Variants in MAP1A observed in about 807,000 individuals in gnomAD.
MAP1A encodes microtubule associated protein 1A, also known as microtubule-associated protein 1A.
Under a neutral mutation model 185.9 loss-of-function variants are expected in MAP1A, and 42 were observed. The ratio of observed to expected loss-of-function variants is 0.23; its 90% CI spans 0.18 to 0.29. The LOEUF (loss-of-function observed/expected upper bound fraction) is 0.29, where lower values mean the gene tolerates loss of function less well. MAP1A is among the 10% of genes least tolerant of loss of function. The pLI is 1.00. For synonymous variants in MAP1A, 1,229 were observed against 1,335.9 expected (o/e 0.92, Z 1.74); for missense variants, 2,995 against 3,450.4 (o/e 0.87, Z 3.31).
At position 43,522,268 on chromosome 15, in the gene MAP1A, G is replaced by C. The variant is rs2079322160; in HGVS notation, c.795G>C (p.Val265=). Residue 265 remains valine (V), a synonymous_variant, in exon 4 of 6, where the codon GTG becomes GTC. Transcript: ENST00000300231. The surrounding 1 kb of genome is among the most constrained non-coding windows in gnomAD (Gnocchi z 5.9). Reference sequence around the variant, plus strand: ...ATCCCACTGAGAAGATTGTGCGTGTGCTTTTTCCAGGAAATGCTCCCCAAA... The same window carrying C: ...ATCCCACTGAGAAGATTGTGCGTGTCCTTTTTCCAGGAAATGCTCCCCAAA... ...PANPTEKIVR[V]LFPGNAPQNK... 3 of 1,614,002 alleles carry C rather than the reference G, an allele frequency of 1.9e-6. No homozygotes were observed. Among genetic ancestry groups the C allele is most frequent in the South Asian group, 2.2e-5 (2 of 91,064 alleles).
At position 43,525,658 on chromosome 15, in the gene MAP1A, T is replaced by C; in HGVS notation, c.4185T>C (p.His1395=). 4 of 1,613,994 alleles carry C rather than the reference T, an allele frequency of 2.5e-6. No homozygotes were observed. Among genetic ancestry groups the C allele is most frequent in the Non-Finnish European group, 2.5e-6 (3 of 1,180,008 alleles). ...TCTATCAGAAAGATGAGGCTCTGCA[T>C]GTAAAGAATGAGGCTGTGAAACAGC... is the stretch of plus-strand genomic sequence containing the variant. ...TAIYQKDEAL[H]VKNEAVKQQD... The change falls in exon 4 of 6, where the codon CAT becomes CAC. Residue 1395 remains histidine, a synonymous_variant. Coordinates refer to ENST00000300231, the MANE Select transcript of MAP1A (RefSeq NM_002373.6).
rs989572023 is a variant in MAP1A at position 43,522,304 on chromosome 15, G to A, written c.831G>A (p.Leu277=). 6.2e-7 allele frequency: 1 copy of A among 1,614,068 alleles called. No homozygotes were observed. Among genetic ancestry groups the A allele is most frequent in the Non-Finnish European group, 8.5e-7 (1 of 1,180,048 alleles). Residue 277 remains leucine, a synonymous_variant, in exon 4 of 6, where the codon TTG becomes TTA. Coordinates refer to ENST00000300231, the MANE Select transcript of MAP1A (RefSeq NM_002373.6). The surrounding 1 kb of genome is among the most constrained non-coding windows in gnomAD (Gnocchi z 5.9). Reference sequence around the variant, plus strand: ...GAAATGCTCCCCAAAACAAGATCTTGGAGGGCCTAGAAAAGCTTCGGCATC... The same window carrying A: ...GAAATGCTCCCCAAAACAAGATCTTAGAGGGCCTAGAAAAGCTTCGGCATC... ...FPGNAPQNKI[L]EGLEKLRHLD...
At chr15:43,511,215 A>G in exon 1 of MAP1A, 1 of 1,550,240 alleles carries the variant, frequency 6.5e-7, no homozygotes, top group African/African-American at 1.4e-5. Flanking sequence ...GTGCGGGCCC[A>G]CCTTGAACAA....
chr15:43,528,606 A>C lies in MAP1A; in HGVS notation c.7133A>C (p.Glu2378Ala), dbSNP rs2079356707. Residue 2378 changes from glutamate to alanine, a missense_variant, in exon 4 of 6, where the codon GAA becomes GCA. Coordinates refer to ENST00000300231, the MANE Select transcript of MAP1A (RefSeq NM_002373.6). The stretch of plus-strand genomic sequence containing the variant: ...CCAGGCCCTGCCCCAGCCAAGGCTG[A>C]AAATGAAGAGGCTGCGGCTTGCCCT... ...NPPGPAPAKAENEEAAACPAW... is the reference protein window; with the variant it reads ...NPPGPAPAKAANEEAAACPAW... The C allele has an allele frequency of 6.2e-7, 1 of 1,613,906 alleles. No individual in the cohort carries two copies. The highest frequency in any genetic ancestry group is 8.5e-7 in the Non-Finnish European group (1 of 1,180,012).
At position 43,529,889 on chromosome 15, in the gene MAP1A, C is replaced by T. The variant is rs1362833808; in HGVS notation, c.8256+19C>T. The T allele has an allele frequency of 1.2e-6, 2 of 1,608,234 alleles. No homozygotes were observed. The highest frequency in any genetic ancestry group is 1.7e-6 in the Non-Finnish European group (2 of 1,176,968). Reference sequence around the variant, plus strand: ...TCTTCAGGTGAGTAGCAAAGGACACCAAGGAAGTAGTCTGGTCAACGCTCA... The same window carrying T: ...TCTTCAGGTGAGTAGCAAAGGACACTAAGGAAGTAGTCTGGTCAACGCTCA... On this transcript the variant is annotated intron_variant, in intron 5 of 5. Coordinates refer to ENST00000300231, the MANE Select transcript of MAP1A (RefSeq NM_002373.6). The surrounding 1 kb of genome is among the most constrained non-coding windows in gnomAD (Gnocchi z 4.3).
rs1060935 is a variant in MAP1A, at chr15:43,522,476, G to C, written c.1003G>C (p.Ala335Pro). The part of the protein sequence containing the change: ...ATTKTAVSKL[A>P]KREEVVEEGA... ...TACCAAGACGGCCGTGAGCAAGTTG[G>C]CCAAACGGGAGGAGGTGGTAGAAGA... Residue 335 changes from alanine to proline, a missense_variant, in exon 4 of 6, where the codon GCC (alanine) becomes CCC (proline). Physicochemically the swap from Ala to Pro is conservative, Grantham distance 27 (BLOSUM62 -1). Around this residue, in one of 3 missense-constraint regions of MAP1A, gnomAD observed 264 missense variants for 435.3 expected, o/e 0.61. Coordinates refer to ENST00000300231, the MANE Select transcript of MAP1A (RefSeq NM_002373.6). This position sits in a 1 kb window ranked among gnomAD's most constrained non-coding sequence, Gnocchi z 5.9. 1 of 1,614,056 alleles carries C rather than the reference G, an allele frequency of 6.2e-7. No individual in the cohort carries two copies. The highest frequency in any genetic ancestry group is 8.5e-7 in the Non-Finnish European group (1 of 1,180,002).
chr15:43,519,941 G>A (rs1264726095), intron 1 of MAP1A, among the ~76,000 whole-genome samples: 2 of 152,210 alleles, frequency 1.3e-5, no homozygotes, highest in East Asian at 3.8e-4. Context: ...TGGAGAGGGT[G>A]TTGTGAAAAC....
At chr15:43,518,373 C>G (rs536104589) in intron 1 of MAP1A, among the ~76,000 whole-genome samples, 1 of 152,200 alleles carries the variant, frequency 6.6e-6, no homozygotes, top group East Asian at 1.9e-4. Context: ...CCAGCGGCTG[C>G]CCTGCATTTC....
chr15:43,512,908 A>G (rs1045958162), upstream of MAP1A, among the ~76,000 whole-genome samples: 3 of 152,152 alleles, frequency 2.0e-5, no homozygotes, highest in African/African-American at 7.2e-5. Flanking sequence ...AGCTCACATA[A>G]TGCAGTTTCC....
At chr15:43,511,821 A>T (rs2079280475) in intron 1 of MAP1A, among the ~76,000 whole-genome samples, 1 of 152,160 alleles carries the variant, frequency 6.6e-6, no homozygotes, top group East Asian at 1.9e-4. Context: ...GCGAACCTAG[A>T]ATCCTACTTA....
exon 1 of MAP1A, chr15:43,511,079 G>A: frequency 6.5e-7 from 1 of 1,550,024 alleles, no homozygotes; most frequent in Admixed American, 2.0e-5. Context: ...CGCACCGCTG[G>A]CTCAGAACCC....
Position 43,526,414 on chromosome 15 carries a change from C to T in MAP1A, c.4941C>T (p.Val1647=). 6.2e-7 allele frequency: 1 copy of T among 1,614,114 alleles called. No homozygotes were observed. Residue 1647 remains valine, a synonymous_variant, in exon 4 of 6, where the codon GTC becomes GTT. Transcript: ENST00000300231. The surrounding 1 kb of genome is among the most constrained non-coding windows in gnomAD (Gnocchi z 4.7). ...AGTACTGGAGGGGGCAGGATGTGGT[C>T]CAGGAGTGGCAAGAAACATCTCCTA... ...EEKYWRGQDV[V]QEWQETSPTR...
chr15:43,529,595 G>A lies in MAP1A; in HGVS notation c.8036-55G>A. The A allele has an allele frequency of 1.2e-6, 2 of 1,607,820 alleles. No homozygotes were observed. The highest frequency in any genetic ancestry group is 1.7e-6 in the Non-Finnish European group (2 of 1,174,602). On this transcript the variant is annotated intron_variant, in intron 4 of 5. Transcript: ENST00000300231. This position sits in a 1 kb window ranked among gnomAD's most constrained non-coding sequence, Gnocchi z 4.3. ...CTTCAGGAGTGGGACAGAGGGGAAG[G>A]TTGCCAAAAGGGTTCTACTTTTCCT...
chr15:43,521,214 A>G lies in MAP1A; in HGVS notation c.-151+102A>G. 6.8e-7 allele frequency: 1 copy of G among 1,473,056 alleles called. No homozygotes were observed. 91.2% of individuals were successfully genotyped at this position (1,473,056 alleles called of 1,614,324 possible). On this transcript the variant is annotated intron_variant, in intron 3 of 5. Coordinates refer to ENST00000300231, the MANE Select transcript of MAP1A (RefSeq NM_002373.6). This position sits in a 1 kb window ranked among gnomAD's most constrained non-coding sequence, Gnocchi z 4.6. ...TTGCATGACCATGGGGGGCCCTGGC[A>G]GAAAGGTAAGAGTCCACCTTGGAAA...
At chr15:43,512,837 A>T (rs1197013013), upstream of MAP1A, among the ~76,000 whole-genome samples, 1 of 152,166 alleles carries the variant, frequency 6.6e-6, no homozygotes. Context: ...GAGTGGAAGG[A>T]GGGGCTCCTG....
Position 43,527,688 on chromosome 15 carries a change from G to A in MAP1A, c.6215G>A (p.Gly2072Asp). The A allele has an allele frequency of 6.2e-7, 1 of 1,612,456 alleles. No homozygotes were observed. The highest frequency in any genetic ancestry group is 1.1e-5 in the South Asian group (1 of 91,002). The change falls in exon 4 of 6, where the codon GGC becomes GAC. Residue 2072 changes from glycine to aspartate, a missense_variant. This residue lies in a region of MAP1A where 2,728 missense variants were observed against 2,986.0 expected (regional missense o/e 0.91). Transcript: ENST00000300231. ...VPPRAPILSK[G>D]PSPPLNGNIL... ...CCCCGTGCTCCTATCCTGAGCAAAG[G>A]CCCAAGCCCCCCTCTTAATGGTAAC...
In MAP1A at chr15:43,530,325, A is replaced by G; in HGVS notation, c.*101A>G. On this transcript the variant is annotated 3_prime_UTR_variant, in exon 6 of 6. Transcript: ENST00000300231. ...GTTGAGGGAGATGGGAGCTAGGGGG[A>G]GGGGAGGGAGATGTCTTGTTGTGGG... 7.0e-7 allele frequency: 1 copy of G among 1,432,950 alleles called. No homozygotes were observed. The allele number at this position is 1,432,950 out of a possible 1,614,324, so 88.8% of individuals were successfully genotyped here.
In MAP1A at chr15:43,520,994, C is replaced by T; in HGVS notation, c.-269C>T. ...CAGGTTCATCATCTTCTTAGCAGCT[C>T]ATCAGCTTATAAACTACTAATCTTG... On this transcript the variant is annotated 5_prime_UTR_variant, in exon 3 of 6. Transcript: ENST00000300231. 1 of 1,550,176 alleles carries T rather than the reference C, an allele frequency of 6.5e-7. No homozygotes were observed. Among genetic ancestry groups the T allele is most frequent in the Non-Finnish European group, 8.7e-7 (1 of 1,146,700 alleles).
In MAP1A at chr15:43,526,087, A is replaced by G; in HGVS notation, c.4614A>G (p.Glu1538=). The change falls in exon 4 of 6, where the codon GAA becomes GAG. Residue 1538 remains glutamate, a synonymous_variant. Transcript: ENST00000300231. The surrounding 1 kb of genome is among the most constrained non-coding windows in gnomAD (Gnocchi z 4.7). ...KAPEQKHQAQ[E]QKDKVSEKKD... ...CTGAACAGAAACACCAGGCCCAGGA[A>G]CAAAAGGATAAAGTCTCAGAAAAGA... 1 of 1,614,148 alleles carries G rather than the reference A, an allele frequency of 6.2e-7. No homozygotes were observed. Among genetic ancestry groups the G allele is most frequent in the Non-Finnish European group, 8.5e-7 (1 of 1,180,042 alleles).
Sources: allele counts gnomAD v4.1 joint callset (sites outside exome capture counted in the v4.1 genomes callset), GRCh38; gene constraint gnomAD v4.1.1; regional missense constraint gnomAD v4.1.1; non-coding constraint Gnocchi (gnomAD v3.1); transcripts MANE v1.5; gene names NCBI Gene and HGNC (gene_info 2026-07-23, HGNC 2026-07-21).